The following MRPL13 variants were observed in gnomAD, a reference collection of about 807,000 sequenced individuals.
The protein encoded by MRPL13 is large ribosomal subunit protein uL13m.
In MRPL13, 33 loss-of-function variants were observed where a neutral mutation model predicts 29.0. That is an observed-to-expected ratio of 1.14 (90% CI 0.86 to 1.52). The LOEUF is 1.52. Among genes scored for constraint, MRPL13 ranks in the 40% most tolerant of loss-of-function variants. The pLI, the probability that MRPL13 is intolerant of heterozygous loss-of-function variation, is 0.00. For synonymous variants in MRPL13, 77 were observed against 68.4 expected, an observed-to-expected ratio of 1.13 and a Z score of -0.62; for missense variants, 227 against 216.7, an observed-to-expected ratio of 1.05 and a Z score of -0.30.
chr8:120,396,104 T>A lies in MRPL13; in HGVS notation c.537A>T (p.Ter179TyrextTer8). Reference protein sequence around the residue: ...LWTPPEDYRL* With the variant: ...LWTPPEDYRLY ...GTTATTTTCTGCAATTCTTATTCTC[T>A]TATAGCCGATAATCTTCAGGTCTGA... The change falls in exon 7 of 7, where the codon TAA (stop) becomes TAT (tyrosine). Residue 179 changes from the stop codon to tyrosine (Y), a stop_lost. Coordinates refer to ENST00000306185, the MANE Select transcript of MRPL13 (RefSeq NM_014078.6). The A allele has an allele frequency of 6.3e-7, 1 of 1,585,394 alleles. No homozygotes were observed. The highest frequency in any genetic ancestry group is 8.6e-7 in the Non-Finnish European group (1 of 1,161,388).
At chr8:120,437,253 A>T (rs1813064976) in intron 2 of MRPL13, among the ~76,000 whole-genome samples, 1 of 152,218 alleles carries the variant, frequency 6.6e-6, no homozygotes, top group Non-Finnish European at 1.5e-5. Flanking sequence ...CTTTAAGAAC[A>T]GCATCATAAA....
chr8:120,409,850 A>G (rs949433157), intron 6 of MRPL13, among the ~76,000 whole-genome samples: 2 of 152,152 alleles, frequency 1.3e-5, no homozygotes, highest in African/African-American at 4.8e-5. Flanking sequence ...CTTATCTCCT[A>G]CCATAGCTTA....
chr8:120,436,316 G>C (rs751024927), intron 2 of MRPL13, among the ~76,000 whole-genome samples: 4 of 152,016 alleles, frequency 2.6e-5, no homozygotes, highest in Non-Finnish European at 4.4e-5. Flanking sequence ...GAGTAATCCA[G>C]TTTCTATGCA....
In MRPL13 at chr8:120,443,181, T is replaced by C. The variant is rs1181612985; in HGVS notation, c.151+4A>G. ...GTTAATGACAGGTCTAAAATAATAC[T>C]TACTCAGTGCATGGTACACAGGTTT... On this transcript the variant is annotated splice_donor_region_variant and intron_variant, in intron 2 of 6. Transcript: ENST00000306185. 4 of 1,542,546 alleles carry C rather than the reference T, an allele frequency of 2.6e-6. No homozygotes were observed. Among genetic ancestry groups the C allele is most frequent in the Non-Finnish European group, 3.5e-6 (4 of 1,148,536 alleles).
chr8:120,415,293 C>A (rs2130463370), intron 5 of MRPL13: 1 of 152,208 alleles, frequency 6.6e-6, no homozygotes, highest in Non-Finnish European at 1.5e-5. Context: ...ATTCCCTCTT[C>A]TCATTATAGT....
chr8:120,401,712 C>CCT (rs1491009822), intron 6 of MRPL13, among the ~76,000 whole-genome samples: 1 of 152,084 alleles, frequency 6.6e-6, no homozygotes, highest in Non-Finnish European at 1.5e-5. Context: ...GTCAAATTAC[C>CCT]TCTGTTTGCA....
chr8:120,443,108 C>G, intron 2 of MRPL13, 77 bp downstream of exon 2: 2 of 1,298,444 alleles, frequency 1.5e-6, no homozygotes, highest in Non-Finnish European at 2.0e-6. Flanking sequence ...TTAAACTCAG[C>G]CCTGTTAAAC....
At chr8:120,397,951 A>C (rs1279038188) in intron 6 of MRPL13, among the ~76,000 whole-genome samples, 1 of 152,178 alleles carries the variant, frequency 6.6e-6, no homozygotes, top group Non-Finnish European at 1.5e-5. Context: ...CAGGAATTTC[A>C]GGAACTCCAG....
intron 6 of MRPL13, among the ~76,000 whole-genome samples, chr8:120,410,815 CTT>C (rs762035057): frequency 1.7e-4 from 26 of 151,650 alleles, no homozygotes; most frequent in South Asian, 8.4e-4. Context: ...GAGTTTTGCT[CTT>C]GTCACGCAGG....
intron 2 of MRPL13, among the ~76,000 whole-genome samples, chr8:120,433,649 C>T (rs959778638): frequency 1.9e-4 from 29 of 152,062 alleles, no homozygotes; most frequent in Middle Eastern, 6.8e-3. Flanking sequence ...ATTGTTCTTC[C>T]TCAATAATAT....
intron 4 of MRPL13, among the ~76,000 whole-genome samples, chr8:120,422,692 T>TC (rs1812887800): frequency 6.6e-6 from 1 of 150,944 alleles, no homozygotes; most frequent in Non-Finnish European, 1.5e-5. Flanking sequence ...ATATTGTTTA[T>TC]AAAAATATTT....
At chr8:120,405,974 G>T (rs919669757) in intron 6 of MRPL13, among the ~76,000 whole-genome samples, 2 of 152,134 alleles carry the variant, frequency 1.3e-5, no homozygotes, top group Admixed American at 1.3e-4. Flanking sequence ...AATGTATATT[G>T]TACATTAGCC....
chr8:120,425,215 A>C (rs1812918014), intron 4 of MRPL13, 91 bp downstream of exon 4: 1 of 946,706 alleles, frequency 1.1e-6, no homozygotes, highest in Admixed American at 2.2e-5. Flanking sequence ...TTGAATGCTA[A>C]CTATATTAAA....
chr8:120,444,985 C>T, intron 1 of MRPL13, 83 bp downstream of exon 1: 1 of 1,592,972 alleles, frequency 6.3e-7, no homozygotes, highest in South Asian at 1.1e-5. Context: ...GCCGCCCCAG[C>T]TTCACTACTT....
At chr8:120,423,713 G>A (rs752801212) in intron 4 of MRPL13, among the ~76,000 whole-genome samples, 4 of 152,130 alleles carry the variant, frequency 2.6e-5, no homozygotes, top group Non-Finnish European at 5.9e-5. Context: ...TCAGTATTAA[G>A]AGAATGTGGC....
intron 6 of MRPL13, among the ~76,000 whole-genome samples, chr8:120,406,555 A>G (rs909579740): frequency 1.2e-4 from 18 of 147,088 alleles, no homozygotes; most frequent in African/African-American, 3.5e-4. Context: ...ATATGTGTGC[A>G]TGTGTGTGTG....
intron 2 of MRPL13, among the ~76,000 whole-genome samples, chr8:120,442,024 A>T (rs116525167): frequency 6.6e-6 from 1 of 152,352 alleles, no homozygotes; most frequent in African/African-American, 2.4e-5. Flanking sequence ...AGCAAAGGAC[A>T]AACAACTCAG....
chr8:120,399,748 A>T (rs994630644), intron 6 of MRPL13, among the ~76,000 whole-genome samples: 2 of 152,188 alleles, frequency 1.3e-5, no homozygotes. Flanking sequence ...CAAGGGACCC[A>T]TCTCATGAAC....
intron 5 of MRPL13, among the ~76,000 whole-genome samples, chr8:120,419,402 A>G (rs993764969): frequency 1.3e-5 from 2 of 152,032 alleles, no homozygotes; most frequent in Non-Finnish European, 2.9e-5. Flanking sequence ...TGAATCAACT[A>G]TGAGTATGAA....
Sources: gnomAD v4.1 joint callset for allele counts (sites outside exome capture counted in the v4.1 genomes callset) on GRCh38, gnomAD v4.1.1 for gene constraint, MANE v1.5 for transcripts, NCBI Gene and HGNC (gene_info 2026-07-23, HGNC 2026-07-21) for gene names.